The following AAK1 variants were observed in gnomAD, a reference collection of about 807,000 sequenced individuals.
AAK1 encodes AP2 associated kinase 1.
AAK1 carries 37 observed loss-of-function variants against 116.0 expected under a neutral mutation model. The observed-to-expected ratio is 0.32, with a 90% CI of 0.25 to 0.42. The LOEUF (loss-of-function observed/expected upper bound fraction) is 0.42. AAK1 is among the 10% of genes least tolerant of loss of function. The pLI is 1.00. For missense variants in AAK1, 919 were observed against 1,170.6 expected (o/e 0.79, Z 3.14); for synonymous variants, 458 against 439.9 (o/e 1.04, Z -0.51).
chr2:69,576,292 C>T lies in AAK1; in HGVS notation c.164-19314G>A, dbSNP rs931641424. Among the ~76,000 whole-genome samples, 7 of 152,082 alleles carry T rather than the reference C, an allele frequency of 4.6e-5. No individual in the cohort carries two copies. The East Asian group carries it at 1.3e-3, about 29-fold the overall frequency. On this transcript the variant is annotated intron_variant, in intron 2 of 21. Coordinates refer to ENST00000409085, the MANE Select transcript of AAK1 (RefSeq NM_014911.5). ...GGGAGTGTTAGTCTTTAACAGAATA[C>T]TATTTTAAGATACATATATGTTAAC...
chr2:69,642,141 T>C (rs1675758555), intron 2 of AAK1, among the ~76,000 whole-genome samples: 2 of 152,064 alleles, frequency 1.3e-5, no homozygotes, highest in South Asian at 4.2e-4. Context: ...GCAGCAGATC[T>C]AAATAACATC....
At chr2:69,643,465 G>T in intron 1 of AAK1, 110 bp downstream of exon 1, 1 of 1,207,284 alleles carries the variant, frequency 8.3e-7, no homozygotes, top group Non-Finnish European at 1.0e-6. Context: ...GGAGCTCGGA[G>T]AAAGGAGGGA....
rs1287546958 is a variant in AAK1, at chr2:69,475,790, C to T, written c.*79G>A. ...TATTTGCAGATTTTTTTAAAAAAAT[C>T]ATTTTTTTCATAACTCCGTAATGAA... On this transcript the variant is annotated 3_prime_UTR_variant, in exon 22 of 22. Coordinates refer to ENST00000409085, the MANE Select transcript of AAK1 (RefSeq NM_014911.5). 6.7e-7 allele frequency: 1 copy of T among 1,499,040 alleles called. No homozygotes were observed. The highest frequency in any genetic ancestry group is 1.4e-5 in the African/African-American group (1 of 71,592). The allele number at this position is 1,499,040 out of a possible 1,614,324, so 92.9% of individuals were successfully genotyped here.
At chr2:69,589,844 T>C (rs1672955029) in intron 2 of AAK1, among the ~76,000 whole-genome samples, 1 of 151,818 alleles carries the variant, frequency 6.6e-6, no homozygotes, top group African/African-American at 2.4e-5. Flanking sequence ...GATAACAAAG[T>C]ACCTGGAGTA....
rs1283439893 is a variant in AAK1 at position 69,465,493 on chromosome 2, T to C, written c.*10376A>G. 4 of 1,290,776 alleles carry C rather than the reference T, an allele frequency of 3.1e-6. No homozygotes were observed. Among genetic ancestry groups the C allele is most frequent in the Non-Finnish European group, 4.0e-6 (4 of 988,886 alleles). The allele number at this position is 1,290,776 out of a possible 1,614,324, so 80.0% of individuals were successfully genotyped here. On this transcript the variant is annotated 3_prime_UTR_variant, in exon 22 of 22. Coordinates refer to ENST00000409085, the MANE Select transcript of AAK1 (RefSeq NM_014911.5). ...AATGGATCAGCAGCTGGCAGCTCCG[T>C]AGTCCTGGAGGAAAGGGATGTGATA... is the stretch of plus-strand genomic sequence containing the variant.
chr2:69,621,059 T>G (rs1392821839), intron 2 of AAK1, among the ~76,000 whole-genome samples: 1 of 152,208 alleles, frequency 6.6e-6, no homozygotes, highest in African/African-American at 2.4e-5. Flanking sequence ...GTATATACAC[T>G]CATAGTACTT....
At position 69,471,119 on chromosome 2, in the gene AAK1, T is replaced by A. The variant is rs913276894; in HGVS notation, c.*4750A>T. On this transcript the variant is annotated 3_prime_UTR_variant, in exon 22 of 22. Coordinates refer to ENST00000409085, the MANE Select transcript of AAK1 (RefSeq NM_014911.5). Reference sequence around the variant, plus strand: ...GACCTATGATAAACACACATCCACATGACAAAGGAGAGTGCAATAGGGCAG... The same window carrying A: ...GACCTATGATAAACACACATCCACAAGACAAAGGAGAGTGCAATAGGGCAG... The A allele has an allele frequency of 1.0e-6, 1 of 985,610 alleles. No individual in the cohort carries two copies. Among genetic ancestry groups the A allele is most frequent in the Non-Finnish European group, 1.2e-6 (1 of 829,928 alleles). The allele number at this position is 985,610 out of a possible 1,614,324, so 61.1% of individuals were successfully genotyped here.
intron 2 of AAK1, among the ~76,000 whole-genome samples, chr2:69,640,014 AACAC>A (rs376034914): frequency 0.018 from 1,901 of 103,648 alleles, 17 homozygotes; most frequent in Middle Eastern, 0.023. Flanking sequence ...ACTCCCCTTT[AACAC>A]ACACACACAC....
At chr2:69,632,799 C>G (rs914174097) in intron 2 of AAK1, among the ~76,000 whole-genome samples, 1 of 151,572 alleles carries the variant, frequency 6.6e-6, no homozygotes, top group Non-Finnish European at 1.5e-5. Context: ...TTTGGGAGGC[C>G]GAGGCGAGTG....
intron 2 of AAK1, among the ~76,000 whole-genome samples, chr2:69,609,359 T>A (rs1228448303): frequency 6.6e-6 from 1 of 151,456 alleles, no homozygotes; most frequent in Non-Finnish European, 1.5e-5. Context: ...TGAGACCCTA[T>A]CTCAAAACAA....
At chr2:69,640,073 TCTCTCTCC>T (rs1675647622) in intron 2 of AAK1, among the ~76,000 whole-genome samples, 1 of 149,958 alleles carries the variant, frequency 6.7e-6, no homozygotes, top group Admixed American at 6.6e-5. Flanking sequence ...TCTCTCTCTC[TCTCTCTCC>T]CCCCCCACAT....
chr2:69,628,820 T>TG (rs1302029381), intron 2 of AAK1, among the ~76,000 whole-genome samples: 3 of 152,176 alleles, frequency 2.0e-5, no homozygotes, highest in African/African-American at 7.2e-5. Context: ...AAAAATGCTG[T>TG]GGAGCTCACA....
At chr2:69,600,009 T>C (rs1572995640) in intron 2 of AAK1, among the ~76,000 whole-genome samples, 1 of 151,568 alleles carries the variant, frequency 6.6e-6, no homozygotes, top group East Asian at 1.9e-4. Flanking sequence ...CTTGAACTCC[T>C]GGGCTCAAGG....
chr2:69,494,771 G>A (rs754455799), intron 17 of AAK1, among the ~76,000 whole-genome samples: 2 of 152,094 alleles, frequency 1.3e-5, no homozygotes, highest in Non-Finnish European at 2.9e-5. Flanking sequence ...ATTCCTTAGT[G>A]GTTTTCGATA....
At position 69,465,759 on chromosome 2, in the gene AAK1, A is replaced by G. The variant is rs1014039902; in HGVS notation, c.*10110T>C. ...TTCCAGGCAGGATCCCCTGGGAGAG[A>G]TGCTGTCCAGATGGTCTGCTGCTTG... On this transcript the variant is annotated 3_prime_UTR_variant, in exon 22 of 22. Transcript: ENST00000409085. 7.7e-7 allele frequency: 1 copy of G among 1,290,722 alleles called. No individual in the cohort carries two copies. The highest frequency in any genetic ancestry group is 1.5e-5 in the African/African-American group (1 of 65,806). 80.0% of individuals were successfully genotyped at this position (1,290,722 alleles called of 1,614,324 possible).
intron 5 of AAK1, among the ~76,000 whole-genome samples, chr2:69,538,881 C>CA (rs200461346): frequency 0.011 from 1,636 of 149,780 alleles, 26 homozygotes; most frequent in African/African-American, 0.014. Flanking sequence ...GACTTCATCT[C>CA]AAAAAAAAAC....
chr2:69,500,698 T>TATATATACACACACACAC, intron 16 of AAK1, among the ~76,000 whole-genome samples: 11 of 65,096 alleles, frequency 1.7e-4, no homozygotes, highest in African/African-American at 7.1e-4. Flanking sequence ...TATATATATA[T>TATATATACACACACACAC]ACACACACAC....
intron 2 of AAK1, among the ~76,000 whole-genome samples, chr2:69,621,408 G>A (rs186709200): frequency 7.9e-5 from 12 of 152,122 alleles, no homozygotes; most frequent in Admixed American, 5.2e-4. Flanking sequence ...GAAAAAAGGC[G>A]ACAGAGGTTG....
chr2:69,552,542 T>C (rs1419169100), intron 3 of AAK1, among the ~76,000 whole-genome samples: 5 of 151,976 alleles, frequency 3.3e-5, no homozygotes. Flanking sequence ...TGAAACCCCA[T>C]CTCTACTAAA....
Sources: gnomAD v4.1 joint callset for allele counts (sites outside exome capture counted in the v4.1 genomes callset) on GRCh38, gnomAD v4.1.1 for gene constraint, MANE v1.5 for transcripts, NCBI Gene and HGNC (gene_info 2026-07-23, HGNC 2026-07-21) for gene names.